Variants in STPG2 observed in about 807,000 individuals in gnomAD.
STPG2 encodes the protein sperm-tail PG-rich repeat-containing protein 2.
In STPG2, 56 loss-of-function variants were observed where a neutral mutation model predicts 54.2. The observed-to-expected ratio is 1.03, with a 90% CI of 0.83 to 1.29. The LOEUF is 1.29. STPG2 is among the 50% of genes most tolerant of loss of function. The pLI, the probability that STPG2 is intolerant of heterozygous loss-of-function variation, is 0.00. For missense variants in STPG2, 596 were observed against 544.9 expected, an observed-to-expected ratio of 1.09 and a Z score of -0.93; for synonymous variants, 200 against 181.8, an observed-to-expected ratio of 1.10 and a Z score of -0.81.
intron 5 of STPG2, among the ~76,000 whole-genome samples, chr4:98,004,668 G>C (rs1735518524): frequency 6.6e-6 from 1 of 151,994 alleles, no homozygotes; most frequent in South Asian, 2.1e-4. Flanking sequence ...TTGACTTTTT[G>C]ATAATAGCTT....
chr4:98,039,055 G>T (rs1235263696), intron 5 of STPG2, among the ~76,000 whole-genome samples: 1 of 151,926 alleles, frequency 6.6e-6, no homozygotes, highest in African/African-American at 2.4e-5. Context: ...AACCACATTA[G>T]GAAAGAAATT....
intron 5 of STPG2, among the ~76,000 whole-genome samples, chr4:98,043,356 T>G (rs1232088847): frequency 6.6e-6 from 1 of 152,118 alleles, no homozygotes; most frequent in African/African-American, 2.4e-5. Flanking sequence ...AGATTTACTA[T>G]TGCTATTTTC....
chr4:97,737,478 A>G (rs1725047915), intron 9 of STPG2, among the ~76,000 whole-genome samples: 1 of 152,178 alleles, frequency 6.6e-6, no homozygotes, highest in African/African-American at 2.4e-5. Context: ...ATTTAGACGA[A>G]TGTATAACTA....
chr4:97,906,727 A>C (rs1171890012), intron 8 of STPG2, among the ~76,000 whole-genome samples: 2 of 152,008 alleles, frequency 1.3e-5, no homozygotes, highest in East Asian at 3.9e-4. Context: ...CAAATCAATA[A>C]ATGTAATCCA....
At chr4:97,463,882 T>C (rs1729728060) in intron 4 of STPG2, among the ~76,000 whole-genome samples, 1 of 152,240 alleles carries the variant, frequency 6.6e-6, no homozygotes. Flanking sequence ...TTTTCTATTC[T>C]GAGATCCCAT....
chr4:97,621,015 C>A (rs182350281), intron 10 of STPG2, among the ~76,000 whole-genome samples: 11 of 152,264 alleles, frequency 7.2e-5, no homozygotes, highest in East Asian at 1.9e-4. Flanking sequence ...GGACTTTACA[C>A]AACCTGCTCC....
chr4:97,598,683 A>C (rs1366951351), intron 10 of STPG2, among the ~76,000 whole-genome samples: 2 of 152,190 alleles, frequency 1.3e-5, no homozygotes, highest in Non-Finnish European at 2.9e-5. Context: ...ATAATTCCCT[A>C]TTCAATAAAT....
chr4:97,490,133 TTTA>T (rs1730471464), intron 4 of STPG2: 1 of 151,404 alleles, frequency 6.6e-6, no homozygotes, highest in African/African-American at 2.4e-5. Flanking sequence ...CTAGTAATTT[TTTA>T]AAAAATACAA....
intron 5 of STPG2, among the ~76,000 whole-genome samples, chr4:98,040,433 A>C (rs1056570697): frequency 1.4e-4 from 22 of 151,936 alleles, no homozygotes; most frequent in Non-Finnish European, 3.1e-4. Context: ...GTTTTCTTCT[A>C]GGATTTTTAG....
chr4:98,025,635 C>T (rs1342012862), intron 5 of STPG2: 1 of 843,368 alleles, frequency 1.2e-6, no homozygotes, highest in East Asian at 2.4e-5. Flanking sequence ...CACGAACTGC[C>T]AAAATATGGT....
intron 3 of STPG2, among the ~76,000 whole-genome samples, chr4:98,122,065 G>C (rs1436689422): frequency 1.3e-5 from 2 of 150,024 alleles, no homozygotes; most frequent in Non-Finnish European, 3.0e-5. Flanking sequence ...CTGAGATTTT[G>C]CTAAAGTTGC....
Position 97,972,458 on chromosome 4 carries a change from A to G in STPG2, c.773-18T>C. 1 of 1,403,920 alleles carries G rather than the reference A, an allele frequency of 7.1e-7. No homozygotes were observed. The highest frequency in any genetic ancestry group is 1.6e-5 in the South Asian group (1 of 63,964). The allele number at this position is 1,403,920 out of a possible 1,614,324, so 87.0% of individuals were successfully genotyped here. On this transcript the variant is annotated intron_variant, in intron 6 of 10. Transcript: ENST00000295268. ...TCCAGGACCTAAAATTATTAGAAGT[A>G]TCATATATAAGAATAAGCATGCTTT...
In STPG2 at chr4:97,840,190, T is replaced by A. The variant is rs184010857; in HGVS notation, c.1204+583A>T. On this transcript the variant is annotated intron_variant, in intron 9 of 10. Transcript: ENST00000295268. ...TATATTTGAAAAAAAATAAAAATAA[T>A]TCTGTACAACTGCCTTGATGTATAT... Among the ~76,000 whole-genome samples the A allele has an allele frequency of 3.3e-5, 5 of 151,730 alleles. No homozygotes were observed. The East Asian group carries it at 7.7e-4, about 23-fold the overall frequency.
chr4:97,532,899 T>C (rs1731445234), intron 4 of STPG2, among the ~76,000 whole-genome samples: 1 of 152,196 alleles, frequency 6.6e-6, no homozygotes, highest in Non-Finnish European at 1.5e-5. Context: ...CTTTTTTCTT[T>C]TGAGATGGAG....
chr4:97,569,526 T>TG (rs1732543785), intron 10 of STPG2, among the ~76,000 whole-genome samples: 1 of 151,820 alleles, frequency 6.6e-6, no homozygotes, highest in African/African-American at 2.4e-5. Flanking sequence ...ATCGCCTCGA[T>TG]TCAAAGGCCT....
At chr4:97,853,834 T>G (rs1317411462) in intron 8 of STPG2, among the ~76,000 whole-genome samples, 1 of 152,076 alleles carries the variant, frequency 6.6e-6, no homozygotes, top group African/African-American at 2.4e-5. Context: ...CAGGCTGGAG[T>G]GCAGTGACAT....
chr4:97,729,068 TC>T (rs1724714153), intron 9 of STPG2, among the ~76,000 whole-genome samples: 1 of 63,368 alleles, frequency 1.6e-5, no homozygotes, highest in Non-Finnish European at 3.6e-5. Flanking sequence ...AGAATTTCTC[TC>T]TCTCTCTCTC....
chr4:97,530,188 CT>C (rs1371245679), intron 4 of STPG2, among the ~76,000 whole-genome samples: 1 of 152,176 alleles, frequency 6.6e-6, no homozygotes, highest in African/African-American at 2.4e-5. Context: ...CTGCTTGCAA[CT>C]TGTGGCTCTG....
At chr4:97,483,656 GACAGGTCATGAAGACAT>G (rs1377886132) in intron 4 of STPG2, among the ~76,000 whole-genome samples, 10 of 151,738 alleles carry the variant, frequency 6.6e-5, no homozygotes, top group African/African-American at 2.4e-4. Flanking sequence ...GACAGCACTA[GACAGGTCATGAAGACAT>G]ACAGTCAACA....
Sources: allele counts gnomAD v4.1 joint callset (sites outside exome capture counted in the v4.1 genomes callset), GRCh38; gene constraint gnomAD v4.1.1; transcripts MANE v1.5; gene names NCBI Gene and HGNC (gene_info 2026-07-23, HGNC 2026-07-21).